TPM4: variants seen among roughly 807,000 people sequenced by gnomAD.
The protein encoded by TPM4 is tropomyosin 4, also known as tropomyosin alpha-4 chain.
TPM4 carries 17 observed loss-of-function variants against 35.8 expected under a neutral mutation model. That is an observed-to-expected ratio of 0.47 (90% confidence interval 0.32 to 0.71). The LOEUF is 0.71. TPM4 is among the 30% of genes least tolerant of loss of function. TPM4 has a pLI of 0.03. For synonymous variants in TPM4, 120 were observed against 122.9 expected, an observed-to-expected ratio of 0.98 and a Z score of 0.15; for missense variants, 240 against 320.9, an observed-to-expected ratio of 0.75 and a Z score of 1.93.
rs568837879 is a variant in TPM4 at position 16,077,942 on chromosome 19, A to T, written c.132+1245A>T. On this transcript the variant is annotated intron_variant, in intron 1 of 7. Transcript: ENST00000643579. ...ACGCCCAGCTAATTTTTTTTTTTTT[A>T]TTTTGGATTTTTAGTAGAGACAGTG... The T allele has an allele frequency of 9.5e-3, 3,205 of 336,574 alleles. 117 individuals are homozygous for T. The highest frequency in any genetic ancestry group is 0.066 in the African/African-American group (2,968 of 44,826). 20.8% of individuals were successfully genotyped at this position (336,574 alleles called of 1,614,324 possible). A position where few individuals can be genotyped will look rare whatever the true frequency, so the allele number is the denominator to read the frequency against.
chr19:16,086,645 C>T, intron 3 of TPM4, 105 bp downstream of exon 3: 1 of 884,776 alleles, frequency 1.1e-6, no homozygotes, highest in Non-Finnish European at 1.8e-6. Flanking sequence ...TCGGTTAGGT[C>T]AGCTGTCCTC....
chr19:16,078,137 C>T, intron 1 of TPM4: 1 of 398,662 alleles, frequency 2.5e-6, no homozygotes, highest in South Asian at 1.3e-4. Flanking sequence ...AGCTGACTCA[C>T]TGATGGAGCG....
chr19:16,090,436 T>C (rs918403765), intron 5 of TPM4, among the ~76,000 whole-genome samples: 6 of 151,744 alleles, frequency 4.0e-5, no homozygotes, highest in Admixed American at 3.3e-4. Flanking sequence ...TAGTTTTTGG[T>C]AGAGACAAGG....
At chr19:16,076,870 T>G in intron 1 of TPM4, 173 bp downstream of exon 1, 1 of 1,198,938 alleles carries the variant, frequency 8.3e-7, no homozygotes, top group East Asian at 3.5e-5. Context: ...ACCCCCTACT[T>G]CCTCCGCCGT....
At chr19:16,085,939 C>T (rs2090545062) in intron 2 of TPM4, among the ~76,000 whole-genome samples, 1 of 151,866 alleles carries the variant, frequency 6.6e-6, no homozygotes, top group Admixed American at 6.6e-5. Context: ...CACGGTGGTG[C>T]ATGCCTATAG....
At chr19:16,074,042 AC>A (rs2090381424), upstream of TPM4, among the ~76,000 whole-genome samples, 5 of 149,930 alleles carry the variant, frequency 3.3e-5, no homozygotes, top group Non-Finnish European at 7.4e-5. Context: ...ACATACACAC[AC>A]ACACACATAT....
rs977338789 is a variant in TPM4, at chr19:16,080,312, G to C, written c.133-1601G>C. The stretch of plus-strand genomic sequence containing the variant: ...CCCTCGGTTTCTTCACCTGTAAAAT[G>C]GGTGCGATGTGTGAGGATGAAATTG... On this transcript the variant is annotated intron_variant, in intron 1 of 7. Coordinates refer to ENST00000643579, the MANE Select transcript of TPM4 (RefSeq NM_003290.3). 4 of 208,532 alleles carry C rather than the reference G, an allele frequency of 1.9e-5. No homozygotes were observed. The East Asian group carries it at 2.9e-4, about 15-fold the overall frequency. The allele number at this position is 208,532 out of a possible 1,614,324, so 12.9% of individuals were successfully genotyped here.
upstream of TPM4, among the ~76,000 whole-genome samples, chr19:16,073,974 AAT>A (rs2090380020): frequency 6.8e-6 from 1 of 147,358 alleles, no homozygotes; most frequent in African/African-American, 2.5e-5. Flanking sequence ...AAAAAAAAAA[AAT>A]AATGCACACA....
rs116258660 is a variant in TPM4 at position 16,081,922 on chromosome 19, G to A, written c.142G>A (p.Asp48Asn). The stretch of plus-strand genomic sequence containing the variant: ...CCTCCGACCTCCCCAGGCTGAAGGT[G>A]ATGTGGCCGCCCTCAACCGACGCAT... ...ERERREKAEG[D>N]VAALNRRIQL... Residue 48 changes from aspartate to asparagine, a missense_variant, in exon 2 of 8, where the codon GAT becomes AAT. Transcript: ENST00000643579. 103 of 1,598,028 alleles carry A rather than the reference G, an allele frequency of 6.4e-5. No homozygotes were observed. The African/African-American group carries it at 1.1e-3, about 17-fold the overall frequency.
At position 16,070,169 on chromosome 19, in the gene TPM4, G is replaced by A. The variant is rs532633892; in HGVS notation, c.114+2431G>A. Reference sequence around the variant, plus strand: ...GGCAGGTGGGCTGCCCGTGGTGGACGGAGGAGAGGGAGGCCATTTCCCATC... The same window carrying A: ...GGCAGGTGGGCTGCCCGTGGTGGACAGAGGAGAGGGAGGCCATTTCCCATC... On this transcript the variant is annotated intron_variant, in intron 2 of 2. Coordinates refer to the TPM4 transcript ENST00000589897. The surrounding 1 kb of genome is among the most constrained non-coding windows in gnomAD (Gnocchi z 7.4). 5.3e-5 allele frequency among the ~76,000 whole-genome samples: 8 copies of A among 152,226 alleles called. No homozygotes were observed. Among genetic ancestry groups the A allele is most frequent in the South Asian group, 2.1e-4 (1 of 4,820 alleles).
chr19:16,092,457 G>A (rs1482377181), intron 5 of TPM4, among the ~76,000 whole-genome samples: 6 of 151,764 alleles, frequency 4.0e-5, no homozygotes, highest in African/African-American at 9.7e-5. Context: ...CATCCTACAG[G>A]ACTCTCCCCA....
intron 2 of TPM4, among the ~76,000 whole-genome samples, chr19:16,068,574 A>G (rs377303245): frequency 6.6e-6 from 1 of 152,072 alleles, no homozygotes; most frequent in East Asian, 1.9e-4. Context: ...GTCTGTGTGT[A>G]CATGTATTGT....
intron 2 of TPM4, among the ~76,000 whole-genome samples, chr19:16,082,444 G>A (rs1241766304): frequency 6.6e-6 from 1 of 152,252 alleles, no homozygotes; most frequent in Non-Finnish European, 1.5e-5. Flanking sequence ...CCAGGAGGCA[G>A]AGGCTGCAGT....
intron 7 of TPM4, chr19:16,095,336 CCT>C (rs936455660): frequency 3.9e-6 from 4 of 1,038,534 alleles, no homozygotes; most frequent in Non-Finnish European, 3.5e-6. Flanking sequence ...AACGACATGA[CCT>C]CTCTCTGAGA....
chr19:16,091,358 C>G (rs2090624402), intron 5 of TPM4, among the ~76,000 whole-genome samples: 2 of 152,258 alleles, frequency 1.3e-5, no homozygotes, highest in East Asian at 3.9e-4. Context: ...AGCCTGGCAT[C>G]TGCTCTTGAA....
chr19:16,080,225 A>G (rs764258431), intron 1 of TPM4: 9 of 202,864 alleles, frequency 4.4e-5, no homozygotes, highest in Non-Finnish European at 6.1e-5. Context: ...GTGGGTCTTA[A>G]GAGGCCATTC....
chr19:16,074,806 T>A (rs2144914107), upstream of TPM4: 1 of 152,310 alleles, frequency 6.6e-6, no homozygotes, highest in East Asian at 1.9e-4. Context: ...AAAAGTCAGA[T>A]CCAAGCCAGG....
chr19:16,086,636 C>T lies in TPM4; in HGVS notation c.384+96C>T, dbSNP rs878949547. 1.6e-5 allele frequency: 16 copies of T among 1,011,178 alleles called. 1 individual carries two copies. Among genetic ancestry groups the T allele is most frequent in the South Asian group, 1.1e-4 (7 of 66,494 alleles). 62.6% of individuals were successfully genotyped at this position (1,011,178 alleles called of 1,614,324 possible). ...ACCGGGGCCAACGAAAGGAAGCTCTCGGTTAGGTCAGCTGTCCTCCTGCGT... is the reference window on the plus strand; with the variant it reads ...ACCGGGGCCAACGAAAGGAAGCTCTTGGTTAGGTCAGCTGTCCTCCTGCGT... On this transcript the variant is annotated intron_variant, in intron 3 of 7. Coordinates refer to ENST00000643579, the MANE Select transcript of TPM4 (RefSeq NM_003290.3).
At chr19:16,092,398 C>T (rs982632242) in intron 5 of TPM4, among the ~76,000 whole-genome samples, 12 of 151,932 alleles carry the variant, frequency 7.9e-5, no homozygotes, top group African/African-American at 2.2e-4. Context: ...TCCCTTTCTT[C>T]GCCATACTTT....
Sources: allele counts gnomAD v4.1 joint callset (sites outside exome capture counted in the v4.1 genomes callset), GRCh38; gene constraint gnomAD v4.1.1; non-coding constraint Gnocchi (gnomAD v3.1); transcripts MANE v1.5; gene names NCBI Gene and HGNC (gene_info 2026-07-23, HGNC 2026-07-21).